Variants in GMDS observed in about 807,000 individuals in gnomAD.
GMDS encodes the protein GDP-mannose 4,6-dehydratase, also known as GDP-mannose 4,6 dehydratase.
Under a neutral mutation model 49.9 loss-of-function variants are expected in GMDS, and 20 were observed. The ratio of observed to expected loss-of-function variants is 0.40; its 90% CI spans 0.28 to 0.58. The LOEUF (loss-of-function observed/expected upper bound fraction) is 0.58, where lower values mean the gene tolerates loss of function less well. Ranked by LOEUF, GMDS falls within the 20% of genes least tolerant of loss-of-function variation. The pLI, the probability that GMDS is intolerant of heterozygous loss-of-function variation, is 0.42. For synonymous variants in GMDS, 177 were observed against 178.6 expected (o/e 0.99, Z 0.07); for missense variants, 362 against 481.4 (o/e 0.75, Z 2.32).
At chr6:1,805,156 T>C (rs1770120664) in intron 7 of GMDS, among the ~76,000 whole-genome samples, 2 of 152,174 alleles carry the variant, frequency 1.3e-5, no homozygotes, top group African/African-American at 4.8e-5. Flanking sequence ...TAAGGTAAAT[T>C]ATTAGTTTAG....
chr6:1,629,249 G>A (rs374140278), intron 9 of GMDS, among the ~76,000 whole-genome samples: 30 of 152,284 alleles, frequency 2.0e-4, no homozygotes, highest in African/African-American at 6.5e-4. Flanking sequence ...AAGAGGGAGC[G>A]AATGTCCGAG....
intron 4 of GMDS, among the ~76,000 whole-genome samples, chr6:2,039,620 G>A (rs543033354): frequency 4.6e-5 from 7 of 151,472 alleles, no homozygotes; most frequent in African/African-American, 1.5e-4. Context: ...ATGAAGACAC[G>A]AGCACACACA....
intron 9 of GMDS, among the ~76,000 whole-genome samples, chr6:1,633,320 C>T (rs779671141): frequency 6.6e-6 from 1 of 152,186 alleles, no homozygotes; most frequent in Non-Finnish European, 1.5e-5. Context: ...AGATTTTGTA[C>T]TCTGCTGTCC....
intron 7 of GMDS, among the ~76,000 whole-genome samples, chr6:1,749,855 A>G (rs1767654516): frequency 6.6e-6 from 1 of 152,094 alleles, no homozygotes; most frequent in African/African-American, 2.4e-5. Flanking sequence ...TTTTGTAGAC[A>G]GGGTCTTACC....
chr6:2,056,897 T>C (rs1368171473), intron 4 of GMDS, among the ~76,000 whole-genome samples: 1 of 152,230 alleles, frequency 6.6e-6, no homozygotes, highest in Non-Finnish European at 1.5e-5. Context: ...TTTAACCTCA[T>C]TATATTTTTT....
At chr6:1,826,242 G>A (rs867655371) in intron 7 of GMDS, among the ~76,000 whole-genome samples, 1 of 152,094 alleles carries the variant, frequency 6.6e-6, no homozygotes, top group African/African-American at 2.4e-5. Flanking sequence ...TGGCTACCAC[G>A]TCACTACATG....
chr6:2,078,325 T>A (rs1385575904), intron 4 of GMDS, among the ~76,000 whole-genome samples: 1 of 152,096 alleles, frequency 6.6e-6, no homozygotes, highest in African/African-American at 2.4e-5. Flanking sequence ...TGGATTTGTT[T>A]TGTTCTTGCT....
chr6:2,182,366 T>C (rs1375657269), intron 1 of GMDS, among the ~76,000 whole-genome samples: 1 of 152,198 alleles, frequency 6.6e-6, no homozygotes, highest in African/African-American at 2.4e-5. Flanking sequence ...GCCAACATAA[T>C]TAGTGAGGGT....
chr6:1,681,981 C>T (rs1401066596), intron 9 of GMDS, among the ~76,000 whole-genome samples: 1 of 151,902 alleles, frequency 6.6e-6, no homozygotes, highest in Non-Finnish European at 1.5e-5. Flanking sequence ...AGGCGTGAAC[C>T]ACTGTGCCTG....
At chr6:2,235,765 T>C (rs1239383557) in intron 1 of GMDS, among the ~76,000 whole-genome samples, 1 of 151,762 alleles carries the variant, frequency 6.6e-6, no homozygotes, top group Non-Finnish European at 1.5e-5. Flanking sequence ...TGATCTGTGT[T>C]TGCACTGCTG....
chr6:2,147,099 C>T lies in GMDS; in HGVS notation c.103-22368G>A, dbSNP rs575953624. On this transcript the variant is annotated intron_variant, in intron 1 of 10. Coordinates refer to ENST00000380815, the MANE Select transcript of GMDS (RefSeq NM_001500.4). ...AGGAGTCCTATTTGACTTATACTTA[C>T]CCAGTTGATTCTTAAACTCAAGATG... Among the ~76,000 whole-genome samples the T allele has an allele frequency of 8.5e-5, 13 of 152,240 alleles. 1 individual carries two copies. Among genetic ancestry groups the T allele is most frequent in the Admixed American group, 6.5e-4 (10 of 15,270 alleles).
intron 7 of GMDS, among the ~76,000 whole-genome samples, chr6:1,784,410 A>AAAAAG (rs1769237774): frequency 6.6e-6 from 1 of 151,484 alleles, no homozygotes; most frequent in Non-Finnish European, 1.5e-5. Flanking sequence ...AAAAAAAAAA[A>AAAAAG]AAAAGAAAAT....
chr6:2,123,752 A>C (rs1205509172), intron 2 of GMDS, among the ~76,000 whole-genome samples: 2 of 152,222 alleles, frequency 1.3e-5, no homozygotes, highest in African/African-American at 4.8e-5. Flanking sequence ...ATAATTACAA[A>C]ATGTAGCATT....
intron 7 of GMDS, among the ~76,000 whole-genome samples, chr6:1,888,134 ATTT>A (rs56167840): frequency 2.8e-5 from 4 of 140,528 alleles, no homozygotes; most frequent in African/African-American, 7.6e-5. Context: ...TATTATTATT[ATTT>A]TTTTTTTTTT....
At chr6:2,058,934 G>A (rs114178766) in intron 4 of GMDS, among the ~76,000 whole-genome samples, 1,697 of 152,150 alleles carry the variant, frequency 0.011, 36 homozygotes, top group African/African-American at 0.039. Flanking sequence ...CCAACAATTT[G>A]GGGGGCCAAG....
chr6:2,160,717 G>A (rs1777356251), intron 1 of GMDS, among the ~76,000 whole-genome samples: 1 of 151,820 alleles, frequency 6.6e-6, no homozygotes. Context: ...TTGTAGAGAT[G>A]GAATTTCACC....
intron 9 of GMDS, among the ~76,000 whole-genome samples, chr6:1,659,092 T>C (rs1355120920): frequency 1.3e-5 from 2 of 152,112 alleles, no homozygotes; most frequent in Non-Finnish European, 2.9e-5. Context: ...GTGGGGCGTA[T>C]GCAGTTCCTG....
chr6:2,019,088 G>A (rs915467686), intron 4 of GMDS, among the ~76,000 whole-genome samples: 2 of 151,094 alleles, frequency 1.3e-5, no homozygotes. Context: ...GGTTAATAAT[G>A]TTTTTATGTG....
intron 1 of GMDS, among the ~76,000 whole-genome samples, chr6:2,220,892 C>G (rs2127589573): frequency 6.6e-6 from 1 of 152,274 alleles, no homozygotes. Flanking sequence ...AAGGGATGTA[C>G]AAGCTCAGGC....
Sources: allele counts gnomAD v4.1 joint callset (sites outside exome capture counted in the v4.1 genomes callset), GRCh38; gene constraint gnomAD v4.1.1; transcripts MANE v1.5; gene names NCBI Gene and HGNC (gene_info 2026-07-23, HGNC 2026-07-21).